Variants in LRIT3 observed in about 807,000 individuals in gnomAD.
The protein encoded by LRIT3 is leucine rich repeat, Ig-like and transmembrane domains 3, also known as leucine-rich repeat, immunoglobulin-like domain and transmembrane domain-containing protein 3.
LRIT3 carries 14 observed loss-of-function variants against 22.6 expected under a neutral mutation model. That is an observed-to-expected ratio of 0.62 (90% CI 0.41 to 0.97). LRIT3 has a LOEUF of 0.97. Among genes scored for constraint, LRIT3 ranks in the 50% least tolerant of loss-of-function variants. LRIT3 has a pLI of 0.00. For missense variants in LRIT3, 783 were observed against 803.0 expected, an observed-to-expected ratio of 0.98 and a Z score of 0.30; for synonymous variants, 306 against 304.5, an observed-to-expected ratio of 1.01 and a Z score of -0.05.
intron 1 of LRIT3, among the ~76,000 whole-genome samples, 165 bp downstream of exon 1, chr4:109,848,482 T>C (rs1017841123): frequency 5.3e-5 from 8 of 152,216 alleles, no homozygotes; most frequent in African/African-American, 1.9e-4. Flanking sequence ...GGTCACCTAC[T>C]CCTTCACTGT....
At chr4:109,865,387 G>T in intron 2 of LRIT3, 1 of 1,270,876 alleles carries the variant, frequency 7.9e-7, no homozygotes, top group Non-Finnish European at 1.1e-6. Context: ...ATCTAATGTG[G>T]TATCTGGTGG....
intron 2 of LRIT3, among the ~76,000 whole-genome samples, chr4:109,866,569 T>G (rs1734685451): frequency 6.6e-6 from 1 of 152,192 alleles, no homozygotes; most frequent in Admixed American, 6.5e-5. Context: ...TGCCTCTCCT[T>G]TATATTTTAT....
In LRIT3 at chr4:109,869,689, A is replaced by G; in HGVS notation, c.940A>G (p.Ser314Gly). The G allele has an allele frequency of 6.3e-7, 1 of 1,591,692 alleles. No homozygotes were observed. ...PEEGVRWSIM[S>G]LTGISSKDAG... ...GGAAGGAGTCAGATGGTCCATAATG[A>G]GCTTGACAGGCATTTCTTCCAAAGA... Residue 314 changes from serine (S) to glycine (G), a missense_variant, in exon 4 of 4, where the codon AGC becomes GGC. Ser to Gly is a moderately conservative substitution (Grantham distance 56). Transcript: ENST00000594814.
intron 1 of LRIT3, among the ~76,000 whole-genome samples, chr4:109,850,317 T>C (rs1215021036): frequency 6.6e-6 from 1 of 151,818 alleles, no homozygotes; most frequent in Admixed American, 6.6e-5. Context: ...AATTCTCAGA[T>C]TCCTCATACT....
rs1445381191 is a variant in LRIT3 at position 109,871,804 on chromosome 4, T to C, written c.*1015T>C. 6.6e-6 allele frequency: 1 copy of C among 152,234 alleles called. No homozygotes were observed. Among genetic ancestry groups the C allele is most frequent in the Non-Finnish European group, 1.5e-5 (1 of 68,042 alleles). 9.4% of individuals were successfully genotyped at this position (152,234 alleles called of 1,614,324 possible). On this transcript the variant is annotated 3_prime_UTR_variant, in exon 4 of 4. Transcript: ENST00000594814. ...GCTTCAGTGGATTCATTTGGTTAGA[T>C]TCTTTTCCTAGGTTAAAAACATCGG...
chr4:109,867,574 AAGAGGC>A, intron 2 of LRIT3, 61 bp from the exon 3 acceptor site: 1 of 1,324,522 alleles, frequency 7.5e-7, no homozygotes, highest in South Asian at 1.6e-5. Flanking sequence ...CTACTTTCTC[AAGAGGC>A]AGGATGTAAA....
intron 2 of LRIT3, among the ~76,000 whole-genome samples, chr4:109,859,238 C>A (rs1226113737): frequency 6.6e-6 from 1 of 152,064 alleles, no homozygotes; most frequent in Non-Finnish European, 1.5e-5. Flanking sequence ...GATATACCAG[C>A]ATTTATTATT....
chr4:109,862,102 C>T (rs1734560499), intron 2 of LRIT3, among the ~76,000 whole-genome samples: 1 of 152,214 alleles, frequency 6.6e-6, no homozygotes, highest in South Asian at 2.1e-4. Flanking sequence ...CTCCACAAAG[C>T]TGAGTAGGCA....
rs1734122108 is a variant in LRIT3, at chr4:109,848,283, G to A, written c.82G>A (p.Asp28Asn). 8.1e-7 allele frequency: 1 copy of A among 1,231,920 alleles called. No homozygotes were observed. Among genetic ancestry groups the A allele is most frequent in the South Asian group, 4.1e-5 (1 of 24,312 alleles). 76.3% of individuals were successfully genotyped at this position (1,231,920 alleles called of 1,614,324 possible). A position where few individuals can be genotyped will look rare whatever the true frequency, so the allele number is the denominator to read the frequency against. ...GCLCPSQCTC[D>N]YHGRNDGSGS... is the part of the protein sequence containing the mutation. ...TTTGTGTCCTTCACAGTGCACCTGT[G>A]ATTATCACGGCAGAAATGACGGCTC... The change falls in exon 1 of 4, where the codon GAT becomes AAT. Residue 28 changes from aspartate (D) to asparagine (N), a missense_variant. By Grantham distance (23) the Asp-to-Asn change is conservative. Transcript: ENST00000594814.
In LRIT3 at chr4:109,851,673, A is replaced by C; in HGVS notation, c.286A>C (p.Ile96Leu). Reference protein sequence around the residue: ...LWVTYNSVASIDPSSFYNLKQ... With the variant: ...LWVTYNSVASLDPSSFYNLKQ... ...GGTGACTTACAATTCCGTGGCCAGC[A>C]TTGACCCCAGCAGCTTTTACAACCT... is the stretch of plus-strand genomic sequence containing the variant. Residue 96 changes from isoleucine to leucine, a missense_variant, in exon 2 of 4, where the codon ATT becomes CTT. By Grantham distance (5) the Ile-to-Leu change is conservative. Transcript: ENST00000594814. 1 of 1,551,720 alleles carries C rather than the reference A, an allele frequency of 6.4e-7. No individual in the cohort carries two copies.
At chr4:109,859,571 G>A (rs1188925179) in intron 2 of LRIT3, among the ~76,000 whole-genome samples, 7 of 152,174 alleles carry the variant, frequency 4.6e-5, no homozygotes, top group Non-Finnish European at 1.0e-4. Flanking sequence ...TTCTCAGAAG[G>A]AAGTATGCCC....
At chr4:109,856,680 A>G (rs1020505645) in intron 2 of LRIT3, among the ~76,000 whole-genome samples, 2 of 152,194 alleles carry the variant, frequency 1.3e-5, no homozygotes, top group Admixed American at 6.5e-5. Context: ...AAATATTCCA[A>G]TCACATTGCA....
chr4:109,869,571 T>C, intron 3 of LRIT3, 74 bp from the exon 4 acceptor site: 1 of 1,410,022 alleles, frequency 7.1e-7, no homozygotes, highest in Non-Finnish European at 9.6e-7. Context: ...TGGATAGTTG[T>C]TTCCTCCTCA....
In LRIT3 at chr4:109,851,970, A is replaced by G. The variant is rs182054858; in HGVS notation, c.583A>G (p.Ile195Val). ...CCTGGACCTTTCCCCAAGCAGGATT[A>G]TTCTTGGTAAGCTCGCAAGCCTCTG... is the stretch of plus-strand genomic sequence containing the variant. ...GVLDLSPSRI[I>V]LGLQDNPWFC... Residue 195 changes from isoleucine (I) to valine (V), a missense_variant, in exon 2 of 4, where the codon ATT becomes GTT. Ile to Val is a conservative substitution (Grantham distance 29, BLOSUM62 3). Transcript: ENST00000594814. 186 of 1,539,918 alleles carry G rather than the reference A, an allele frequency of 1.2e-4. No homozygotes were observed. In the African/African-American group the frequency reaches 1.8e-3, roughly 15 times the overall value.
At chr4:109,855,068 G>T (rs1453682557) in intron 2 of LRIT3, among the ~76,000 whole-genome samples, 1 of 152,106 alleles carries the variant, frequency 6.6e-6, no homozygotes, top group Non-Finnish European at 1.5e-5. Flanking sequence ...TTTGGTAGCA[G>T]GATGATGCTG....
intron 2 of LRIT3, among the ~76,000 whole-genome samples, chr4:109,862,729 T>G (rs1006147144): frequency 6.6e-6 from 1 of 152,228 alleles, no homozygotes; most frequent in Admixed American, 6.5e-5. Context: ...AAAGAGTATC[T>G]CACTTTGTCA....
At chr4:109,853,846 C>T (rs146697049) in intron 2 of LRIT3, among the ~76,000 whole-genome samples, 1 of 152,154 alleles carries the variant, frequency 6.6e-6, no homozygotes, top group African/African-American at 2.4e-5. Flanking sequence ...AATAGAGAAT[C>T]CTTTCCCCAT....
chr4:109,870,502 C>A lies in LRIT3; in HGVS notation c.1753C>A (p.Leu585Ile). 1.2e-6 allele frequency: 2 copies of A among 1,611,668 alleles called. No homozygotes were observed. Among genetic ancestry groups the A allele is most frequent in the South Asian group, 2.2e-5 (2 of 91,076 alleles). Residue 585 changes from leucine (L) to isoleucine (I), a missense_variant, in exon 4 of 4, where the codon CTC becomes ATC. Transcript: ENST00000594814. ...EGDDSQWSLL[L>I]VVTSTACVVI... ...AGATGATTCTCAATGGTCTCTCCTT[C>A]TCGTGGTGACCAGTACTGCCTGTGT...
Position 109,854,263 on chromosome 4 carries a change from T to C in LRIT3, c.589+2287T>C, listed in dbSNP as rs189110211. ...TTGTTTATATCTTCTTTTATTTCCT[T>C]GAGCAGTGGTTTTTAGTTCTCCTTA... On this transcript the variant is annotated intron_variant, in intron 2 of 3. Coordinates refer to ENST00000594814, the MANE Select transcript of LRIT3 (RefSeq NM_198506.5). 3.5e-4 allele frequency among the ~76,000 whole-genome samples: 54 copies of C among 152,354 alleles called. No homozygotes were observed. The Middle Eastern group carries it at 0.014, about 38-fold the overall frequency.
Sources: gnomAD v4.1 joint callset for allele counts (sites outside exome capture counted in the v4.1 genomes callset) on GRCh38, gnomAD v4.1.1 for gene constraint, MANE v1.5 for transcripts, NCBI Gene and HGNC (gene_info 2026-07-23, HGNC 2026-07-21) for gene names.